MAP1B: variants seen among roughly 807,000 people sequenced by gnomAD.
MAP1B encodes microtubule associated protein 1B.
A neutral mutation model predicts 176.1 loss-of-function variants in MAP1B; 12 were observed. That is an observed-to-expected ratio of 0.07 (90% CI 0.04 to 0.11). The LOEUF is 0.11. Ranked by LOEUF, MAP1B falls within the 10% of genes least tolerant of loss-of-function variation. The pLI is 1.00. For missense variants in MAP1B, 2,523 were observed against 2,990.5 expected, an observed-to-expected ratio of 0.84 and a Z score of 3.65; for synonymous variants, 1,044 against 1,135.0, an observed-to-expected ratio of 0.92 and a Z score of 1.61.
intron 2 of MAP1B, among the ~76,000 whole-genome samples, chr5:72,146,928 G>A (rs1217680361): frequency 9.3e-5 from 14 of 151,000 alleles, no homozygotes; most frequent in African/African-American, 2.7e-4. Context: ...TGTCATTCAC[G>A]TCTGATGGAA....
chr5:72,164,868 T>G (rs145328474), intron 2 of MAP1B, among the ~76,000 whole-genome samples: 30 of 152,256 alleles, frequency 2.0e-4, no homozygotes, highest in Non-Finnish European at 3.7e-4. Flanking sequence ...TGTTAGGGGG[T>G]TTTATCTCTA....
chr5:72,146,574 T>G (rs1049668110), intron 2 of MAP1B, among the ~76,000 whole-genome samples: 3 of 152,188 alleles, frequency 2.0e-5, no homozygotes, highest in Non-Finnish European at 4.4e-5. Flanking sequence ...GAGGCCCTAT[T>G]ATTATCCTCA....
chr5:72,121,940 T>C (rs1397768427), intron 2 of MAP1B, among the ~76,000 whole-genome samples: 1 of 152,210 alleles, frequency 6.6e-6, no homozygotes, highest in African/African-American at 2.4e-5. Context: ...GGACAGCCGA[T>C]TCTTTATCCT....
At chr5:72,138,849 T>C (rs1448729076) in intron 2 of MAP1B, among the ~76,000 whole-genome samples, 2 of 152,256 alleles carry the variant, frequency 1.3e-5, no homozygotes, top group African/African-American at 4.8e-5. Flanking sequence ...AATTGTAATA[T>C]GGGTTATCAC....
chr5:72,164,580 T>G (rs1746391673), intron 2 of MAP1B, among the ~76,000 whole-genome samples: 1 of 152,184 alleles, frequency 6.6e-6, no homozygotes, highest in African/African-American at 2.4e-5. Context: ...CTTTCTTGTC[T>G]GAGTTGTAGA....
chr5:72,157,407 C>T (rs930884932), intron 2 of MAP1B, among the ~76,000 whole-genome samples: 1 of 152,196 alleles, frequency 6.6e-6, no homozygotes, highest in Non-Finnish European at 1.5e-5. Context: ...TTATTTAGTT[C>T]GTTGCTTTTA....
chr5:72,199,113 G>T lies in MAP1B; in HGVS notation c.5758G>T (p.Gly1920Cys), dbSNP rs1306810811. 9 of 1,614,056 alleles carry T rather than the reference G, an allele frequency of 5.6e-6. No individual in the cohort carries two copies. In the South Asian group the frequency reaches 8.8e-5, roughly 16 times the overall value. ...AACCACAAAATCTCCAAGTGACAGTGGCTACTCCTATGAGACCATTGGGAA... is the reference window on the plus strand; with the variant it reads ...AACCACAAAATCTCCAAGTGACAGTTGCTACTCCTATGAGACCATTGGGAA... ...ERTTKSPSDS[G>C]YSYETIGKTT... The change falls in exon 5 of 7, where the codon GGC (glycine) becomes TGC (cysteine). Residue 1920 changes from glycine (G) to cysteine (C), a missense_variant. Physicochemically the swap from Gly to Cys is radical, Grantham distance 159 (BLOSUM62 -3). Coordinates refer to ENST00000296755, the MANE Select transcript of MAP1B (RefSeq NM_005909.5). The surrounding 1 kb of genome is among the most constrained non-coding windows in gnomAD (Gnocchi z 4.2).
chr5:72,150,639 C>T (rs2112165476), intron 2 of MAP1B, among the ~76,000 whole-genome samples: 1 of 152,260 alleles, frequency 6.6e-6, no homozygotes, highest in Non-Finnish European at 1.5e-5. Flanking sequence ...TTTCCTGATC[C>T]TCTGCCTCCT....
chr5:72,149,340 A>G (rs1213354769), intron 2 of MAP1B, among the ~76,000 whole-genome samples: 1 of 152,250 alleles, frequency 6.6e-6, no homozygotes, highest in African/African-American at 2.4e-5. Flanking sequence ...TAAATGATTT[A>G]TTCCCTTTCG....
chr5:72,144,547 T>C (rs928567723), intron 2 of MAP1B, among the ~76,000 whole-genome samples: 2 of 152,044 alleles, frequency 1.3e-5, no homozygotes, highest in African/African-American at 4.8e-5. Flanking sequence ...GTGTCCACCA[T>C]CACGCCCAGC....
chr5:72,149,319 C>T (rs1180512407), intron 2 of MAP1B, among the ~76,000 whole-genome samples: 1 of 152,208 alleles, frequency 6.6e-6, no homozygotes, highest in Non-Finnish European at 1.5e-5. Flanking sequence ...AAGAAATTTC[C>T]TGTTTCTAAC....
chr5:72,112,759 G>C (rs1745366356), intron 1 of MAP1B, among the ~76,000 whole-genome samples: 1 of 152,216 alleles, frequency 6.6e-6, no homozygotes, highest in Non-Finnish European at 1.5e-5. Context: ...CAACTGCCTG[G>C]AGTTATTCTG....
chr5:72,122,412 C>T (rs190588349), intron 2 of MAP1B, among the ~76,000 whole-genome samples: 50 of 152,218 alleles, frequency 3.3e-4, no homozygotes, highest in African/African-American at 9.9e-4. Flanking sequence ...TTATAGTGTA[C>T]GCAGCATAAG....
chr5:72,199,906 C>T lies in MAP1B; in HGVS notation c.6551C>T (p.Ser2184Leu), dbSNP rs923951945. Residue 2184 changes from serine to leucine, a missense_variant, in exon 5 of 7, where the codon TCG becomes TTG. By Grantham distance (145) the Ser-to-Leu change is moderately radical (BLOSUM62 -2). Transcript: ENST00000296755. This position sits in a 1 kb window ranked among gnomAD's most constrained non-coding sequence, Gnocchi z 4.2. ...GCCAATATCGACTCTGAAGACGAGT[C>T]GGAAACCATCCCCACAGACAAAACT... ...ADANIDSEDE[S>L]ETIPTDKTVT... 25 of 1,614,012 alleles carry T rather than the reference C, an allele frequency of 1.5e-5. No homozygotes were observed. Among genetic ancestry groups the T allele is most frequent in the South Asian group, 6.6e-5 (6 of 91,076 alleles).
At position 72,194,133 on chromosome 5, in the gene MAP1B, C is replaced by T. The variant is rs1241277504; in HGVS notation, c.778C>T (p.Pro260Ser). The T allele has an allele frequency of 6.2e-7, 1 of 1,614,202 alleles. No individual in the cohort carries two copies. Among genetic ancestry groups the T allele is most frequent in the Non-Finnish European group, 8.5e-7 (1 of 1,180,040 alleles). The part of the protein sequence containing the change: ...TSGGFLKLSK[P>S]CCYIFPGGRG... The stretch of plus-strand genomic sequence containing the variant: ...GGGTGGATTTCTGAAGCTCTCCAAG[C>T]CCTGCTGTTATATTTTTCCAGGAGG... Residue 260 changes from proline to serine, a missense_variant, in exon 5 of 7, where the codon CCC becomes TCC. By Grantham distance (74) the Pro-to-Ser change is moderately conservative. Coordinates refer to ENST00000296755, the MANE Select transcript of MAP1B (RefSeq NM_005909.5). This position sits in a 1 kb window ranked among gnomAD's most constrained non-coding sequence, Gnocchi z 7.2.
rs1368039165 is a variant in MAP1B at position 72,109,998 on chromosome 5, G to T, written c.184+2283G>T. On this transcript the variant is annotated intron_variant, in intron 1 of 6. Coordinates refer to ENST00000296755, the MANE Select transcript of MAP1B (RefSeq NM_005909.5). Reference sequence around the variant, plus strand: ...CATCCACGTACTGCTATGAAGAAGGGCTCCCTGCCTTTACTCGTTTTTACA... The same window carrying T: ...CATCCACGTACTGCTATGAAGAAGGTCTCCCTGCCTTTACTCGTTTTTACA... Among the ~76,000 whole-genome samples, 4 of 152,158 alleles carry T rather than the reference G, an allele frequency of 2.6e-5. No individual in the cohort carries two copies. In the East Asian group the frequency reaches 5.8e-4, roughly 22 times the overall value.
chr5:72,177,885 T>C (rs1364988408), intron 2 of MAP1B, among the ~76,000 whole-genome samples: 1 of 152,212 alleles, frequency 6.6e-6, no homozygotes, highest in East Asian at 1.9e-4. Flanking sequence ...AGAGGTTGAG[T>C]TGAATAACTC....
At chr5:72,145,877 G>A (rs1382507859) in intron 2 of MAP1B, among the ~76,000 whole-genome samples, 2 of 152,150 alleles carry the variant, frequency 1.3e-5, no homozygotes, top group Non-Finnish European at 2.9e-5. Flanking sequence ...TTCCACGTGG[G>A]TTCAGTAACG....
At chr5:72,157,174 T>C (rs957271002) in intron 2 of MAP1B, among the ~76,000 whole-genome samples, 2 of 152,212 alleles carry the variant, frequency 1.3e-5, no homozygotes, top group African/African-American at 4.8e-5. Context: ...TCAGTGCATT[T>C]CTTTTATATC....
Sources: allele counts gnomAD v4.1 joint callset (sites outside exome capture counted in the v4.1 genomes callset), GRCh38; gene constraint gnomAD v4.1.1; non-coding constraint Gnocchi (gnomAD v3.1); transcripts MANE v1.5; gene names NCBI Gene and HGNC (gene_info 2026-07-23, HGNC 2026-07-21).